The following PSD3 variants were observed in gnomAD, a reference collection of about 807,000 sequenced individuals.
PSD3 encodes the protein pleckstrin and Sec7 domain containing 3, also known as PH and SEC7 domain-containing protein 3.
Under a neutral mutation model 105.5 loss-of-function variants are expected in PSD3, and 49 were observed. The ratio of observed to expected loss-of-function variants is 0.46; its 90% CI spans 0.37 to 0.59. The LOEUF (loss-of-function observed/expected upper bound fraction) is 0.59. Ranked by LOEUF, PSD3 falls within the 20% of genes least tolerant of loss-of-function variation. The probability of loss-of-function intolerance (pLI) is 0.00; values close to 1 mark genes in which losing one functional copy is unlikely to be tolerated. For missense variants in PSD3, 1,561 were observed against 1,263.8 expected, an observed-to-expected ratio of 1.24 and a Z score of -3.57; for synonymous variants, 557 against 457.8, an observed-to-expected ratio of 1.22 and a Z score of -2.77.
chr8:18,631,599 G>A (rs989688259), intron 11 of PSD3, among the ~76,000 whole-genome samples: 1 of 151,864 alleles, frequency 6.6e-6, no homozygotes. Flanking sequence ...TGCTAAGATG[G>A]ATTCACTTGC....
intron 1 of PSD3, among the ~76,000 whole-genome samples, chr8:19,078,212 T>G (rs1256795856): frequency 6.6e-6 from 1 of 152,056 alleles, no homozygotes; most frequent in Admixed American, 6.6e-5. Context: ...ACAAAAGTCT[T>G]TCAAAGATAA....
chr8:18,946,932 AAATAAAATATAT>A (rs1357661348), intron 1 of PSD3, among the ~76,000 whole-genome samples: 7 of 149,874 alleles, frequency 4.7e-5, no homozygotes, highest in African/African-American at 1.7e-4. Context: ...AAAATAAAAT[AAATAAAATATAT>A]TATAAAATAA....
In PSD3 at chr8:18,632,824, C is replaced by A; in HGVS notation, c.2217-18G>T. On this transcript the variant is annotated intron_variant, in intron 10 of 15. Transcript: ENST00000327040. ...CATCATCTCTAAAAGGGAGAAAGCACAAAGACTGAGTCAAGCACCTATCAT... is the reference window on the plus strand; with the variant it reads ...CATCATCTCTAAAAGGGAGAAAGCAAAAAGACTGAGTCAAGCACCTATCAT... The A allele has an allele frequency of 6.6e-7, 1 of 1,515,128 alleles. No homozygotes were observed. The allele number at this position is 1,515,128 out of a possible 1,614,324, so 93.9% of individuals were successfully genotyped here.
chr8:18,568,673 G>A (rs972255914), intron 14 of PSD3, among the ~76,000 whole-genome samples: 11 of 151,120 alleles, frequency 7.3e-5, no homozygotes, highest in Non-Finnish European at 1.2e-4. Flanking sequence ...CCTTTAAAAT[G>A]GGCCTTTCTG....
At chr8:19,019,473 G>C (rs1228324415) in intron 1 of PSD3, among the ~76,000 whole-genome samples, 1 of 151,970 alleles carries the variant, frequency 6.6e-6, no homozygotes, top group East Asian at 1.9e-4. Context: ...TTCAATAAGC[G>C]GGCTGCCTAC....
intron 9 of PSD3, among the ~76,000 whole-genome samples, chr8:18,744,851 T>G (rs2129435738): frequency 6.6e-6 from 1 of 152,348 alleles, no homozygotes; most frequent in East Asian, 1.9e-4. Flanking sequence ...TTACTATGGC[T>G]TCTTAGTCTC....
At chr8:18,846,297 G>C (rs1333637056) in intron 4 of PSD3, among the ~76,000 whole-genome samples, 3 of 152,178 alleles carry the variant, frequency 2.0e-5, no homozygotes, top group African/African-American at 7.2e-5. Flanking sequence ...CAAGGCTCAA[G>C]GGCACAAGTA....
intron 8 of PSD3, among the ~76,000 whole-genome samples, chr8:18,778,998 C>A (rs1312679495): frequency 6.6e-6 from 1 of 152,090 alleles, no homozygotes. Context: ...CCCTCCTCTC[C>A]AATTTTTCGG....
At chr8:18,641,394 G>A (rs796598164) in intron 10 of PSD3, among the ~76,000 whole-genome samples, 8 of 152,206 alleles carry the variant, frequency 5.3e-5, no homozygotes, top group African/African-American at 1.2e-4. Context: ...AAGACCCCTC[G>A]AGGGGTTCAT....
At chr8:18,685,535 A>T (rs1366851636) in intron 9 of PSD3, among the ~76,000 whole-genome samples, 2 of 152,092 alleles carry the variant, frequency 1.3e-5, no homozygotes, top group Admixed American at 1.3e-4. Context: ...ATAATAGATT[A>T]TTTTTGGAAT....
At chr8:18,563,301 C>G (rs77693622) in intron 14 of PSD3, among the ~76,000 whole-genome samples, 2 of 152,092 alleles carry the variant, frequency 1.3e-5, no homozygotes, top group African/African-American at 4.8e-5. Flanking sequence ...AACATAGTAC[C>G]TGCTATACAG....
chr8:18,861,203 G>GAATC (rs1816410108), intron 4 of PSD3, among the ~76,000 whole-genome samples: 1 of 152,080 alleles, frequency 6.6e-6, no homozygotes, highest in Non-Finnish European at 1.5e-5. Flanking sequence ...TTCCATCCTG[G>GAATC]GCTCCCTGAC....
At chr8:18,972,116 T>C (rs1483957439) in intron 1 of PSD3, among the ~76,000 whole-genome samples, 1 of 152,216 alleles carries the variant, frequency 6.6e-6, no homozygotes, top group Non-Finnish European at 1.5e-5. Flanking sequence ...AAGGAATGAA[T>C]AGCCTATTTC....
chr8:19,036,941 G>GC (rs1264087036), intron 1 of PSD3, among the ~76,000 whole-genome samples: 1 of 152,116 alleles, frequency 6.6e-6, no homozygotes, highest in Non-Finnish European at 1.5e-5. Context: ...TATCCATGTT[G>GC]CAACTCCCCA....
At chr8:18,589,722 C>A (rs1454494028) in intron 12 of PSD3, among the ~76,000 whole-genome samples, 2 of 152,050 alleles carry the variant, frequency 1.3e-5, no homozygotes, top group Non-Finnish European at 2.9e-5. Flanking sequence ...AAGAAGCAGC[C>A]CTGAAATGAG....
In PSD3 at chr8:18,872,752, G is replaced by T; in HGVS notation, c.131-19C>A. On this transcript the variant is annotated intron_variant, in intron 2 of 15. Coordinates refer to ENST00000327040, the MANE Select transcript of PSD3 (RefSeq NM_015310.4). ...TGATCACCTGTGAAGAGAACACAAT[G>T]GACATATGACTTGTTGTAGAAAGAC... is the stretch of plus-strand genomic sequence containing the variant. 1 of 1,524,008 alleles carries T rather than the reference G, an allele frequency of 6.6e-7. No homozygotes were observed. The highest frequency in any genetic ancestry group is 8.8e-7 in the Non-Finnish European group (1 of 1,136,514). The allele number at this position is 1,524,008 out of a possible 1,614,324, so 94.4% of individuals were successfully genotyped here.
intron 2 of PSD3, among the ~76,000 whole-genome samples, chr8:18,889,770 C>A (rs1316604703): frequency 1.3e-5 from 2 of 152,072 alleles, no homozygotes; most frequent in Non-Finnish European, 2.9e-5. Context: ...CTCCCCATAC[C>A]TGAATTTTTA....
chr8:18,651,653 G>A (rs1013643937), intron 10 of PSD3, among the ~76,000 whole-genome samples: 1 of 152,208 alleles, frequency 6.6e-6, no homozygotes, highest in African/African-American at 2.4e-5. Flanking sequence ...ATAATGGGGT[G>A]TAGAAACTGC....
intron 9 of PSD3, among the ~76,000 whole-genome samples, chr8:18,697,254 C>T (rs550333322): frequency 6.2e-4 from 95 of 152,072 alleles, no homozygotes; most frequent in Middle Eastern, 3.4e-3. Context: ...GGGTGAGTGG[C>T]GACAATACTG....
Sources: gnomAD v4.1 joint callset for allele counts (sites outside exome capture counted in the v4.1 genomes callset) on GRCh38, gnomAD v4.1.1 for gene constraint, MANE v1.5 for transcripts, NCBI Gene and HGNC (gene_info 2026-07-23, HGNC 2026-07-21) for gene names.